The following CTNNA3 variants were observed in gnomAD, a reference collection of about 807,000 sequenced individuals.
CTNNA3 encodes catenin alpha 3.
Under a neutral mutation model 95.7 loss-of-function variants are expected in CTNNA3, and 76 were observed. The ratio of observed to expected loss-of-function variants is 0.79; its 90% CI spans 0.66 to 0.96. The LOEUF (loss-of-function observed/expected upper bound fraction) is 0.96. CTNNA3 is among the 40% of genes least tolerant of loss of function. CTNNA3 has a pLI of 0.00. For missense variants in CTNNA3, 1,191 were observed against 1,089.8 expected (o/e 1.09, Z -1.31); for synonymous variants, 431 against 374.4 (o/e 1.15, Z -1.74).
chr10:67,515,433 T>C (rs1000886951), intron 5 of CTNNA3, among the ~76,000 whole-genome samples: 2 of 152,202 alleles, frequency 1.3e-5, no homozygotes, highest in African/African-American at 4.8e-5. Flanking sequence ...CAAACAACTA[T>C]GTACAATTGA....
intron 7 of CTNNA3, among the ~76,000 whole-genome samples, chr10:66,866,941 T>C (rs7476777): frequency 0.95 from 144,260 of 152,122 alleles, 68,724 homozygotes; most frequent in East Asian, 1. Context: ...GGTGGTTTCC[T>C]CCATACTGCT....
At chr10:67,162,608 G>C (rs961081240) in intron 7 of CTNNA3, among the ~76,000 whole-genome samples, 2 of 151,280 alleles carry the variant, frequency 1.3e-5, no homozygotes, top group African/African-American at 4.9e-5. Flanking sequence ...CAAAAATCTA[G>C]AAAGAAAGCA....
intron 5 of CTNNA3, among the ~76,000 whole-genome samples, chr10:67,262,116 C>G (rs1208346716): frequency 6.6e-6 from 1 of 151,590 alleles, no homozygotes. Flanking sequence ...ACTTTTTAGA[C>G]TAAAAATAAA....
intron 11 of CTNNA3, among the ~76,000 whole-genome samples, chr10:66,508,962 A>T (rs1339291817): frequency 1.3e-5 from 2 of 151,922 alleles, no homozygotes; most frequent in Non-Finnish European, 2.9e-5. Context: ...GAACCTCCAC[A>T]CTCTTCTCCA....
At chr10:67,148,044 T>C (rs1461678500) in intron 7 of CTNNA3, among the ~76,000 whole-genome samples, 1 of 152,160 alleles carries the variant, frequency 6.6e-6, no homozygotes, top group African/African-American at 2.4e-5. Context: ...CTGGCCCTTA[T>C]GATGGGAAGA....
In CTNNA3 at chr10:67,709,376, T is replaced by A. The variant is rs184013946; in HGVS notation, c.-2+54058A>T. Among the ~76,000 whole-genome samples the A allele has an allele frequency of 4.0e-3, 604 of 152,262 alleles. 4 individuals carry two copies. The highest frequency in any genetic ancestry group is 5.8e-3 in the Admixed American group (88 of 15,302). On this transcript the variant is annotated intron_variant, in intron 1 of 17. Coordinates refer to the CTNNA3 transcript ENST00000684154. ...AAATTATAAGCAGAACATACATGAATGTCCACTGGGAAATTAGAAAGTTGC... is the reference window on the plus strand; with the variant it reads ...AAATTATAAGCAGAACATACATGAAAGTCCACTGGGAAATTAGAAAGTTGC...
At chr10:66,705,637 TTG>T (rs986662760) in intron 9 of CTNNA3, among the ~76,000 whole-genome samples, 2 of 152,088 alleles carry the variant, frequency 1.3e-5, no homozygotes, top group Non-Finnish European at 2.9e-5. Context: ...CTAAATATAA[TTG>T]TGTGTTTGTT....
At chr10:65,982,298 T>C (rs545392904) in intron 16 of CTNNA3, among the ~76,000 whole-genome samples, 4 of 150,910 alleles carry the variant, frequency 2.7e-5, no homozygotes, top group Non-Finnish European at 5.9e-5. Context: ...CACAACGAGA[T>C]ACCACCTTAC....
At chr10:66,097,699 C>G (rs542192270) in intron 14 of CTNNA3, among the ~76,000 whole-genome samples, 2 of 152,146 alleles carry the variant, frequency 1.3e-5, no homozygotes, top group African/African-American at 4.8e-5. Flanking sequence ...TTATGAAGAG[C>G]CTTTTTAAAC....
chr10:66,749,540 T>C (rs1227253215), intron 9 of CTNNA3, among the ~76,000 whole-genome samples: 1 of 152,206 alleles, frequency 6.6e-6, no homozygotes, highest in Non-Finnish European at 1.5e-5. Context: ...CATGGCTTGG[T>C]AGCTCATTTT....
At chr10:67,111,926 G>GAAAT (rs1247480976) in intron 7 of CTNNA3, among the ~76,000 whole-genome samples, 5 of 152,030 alleles carry the variant, frequency 3.3e-5, no homozygotes, top group African/African-American at 1.2e-4. Context: ...TCATCATTTA[G>GAAAT]AAATAAAAGT....
At chr10:66,110,024 A>T (rs1218985270) in intron 13 of CTNNA3, among the ~76,000 whole-genome samples, 1 of 152,148 alleles carries the variant, frequency 6.6e-6, no homozygotes, top group African/African-American at 2.4e-5. Flanking sequence ...TAATTAACAA[A>T]TCTATCTCTT....
intron 15 of CTNNA3, among the ~76,000 whole-genome samples, chr10:66,029,685 T>C (rs2079412261): frequency 6.6e-6 from 1 of 152,178 alleles, no homozygotes; most frequent in African/African-American, 2.4e-5. Flanking sequence ...CTCTGTTCAA[T>C]GGGATATAAG....
At chr10:66,344,359 C>A (rs1004402584) in intron 12 of CTNNA3, among the ~76,000 whole-genome samples, 30 of 151,066 alleles carry the variant, frequency 2.0e-4, no homozygotes, top group Non-Finnish European at 3.8e-4. Flanking sequence ...CTCCGTCTCC[C>A]GGGTTCAAAC....
chr10:67,200,822 T>C (rs1863610872), intron 6 of CTNNA3, among the ~76,000 whole-genome samples: 1 of 152,206 alleles, frequency 6.6e-6, no homozygotes, highest in South Asian at 2.1e-4. Flanking sequence ...GTTACAAATA[T>C]TTTAAGCCCT....
At chr10:66,586,789 T>A (rs1190874076) in intron 10 of CTNNA3, among the ~76,000 whole-genome samples, 1 of 152,102 alleles carries the variant, frequency 6.6e-6, no homozygotes, top group Non-Finnish European at 1.5e-5. Context: ...TGCACTTGTG[T>A]CTCTCCCGAA....
chr10:65,950,008 G>A (rs149000039), intron 17 of CTNNA3, among the ~76,000 whole-genome samples: 94 of 152,146 alleles, frequency 6.2e-4, no homozygotes, highest in African/African-American at 2.3e-3. Flanking sequence ...AGTCAATAGT[G>A]CTGCAGATGA....
In CTNNA3 at chr10:66,795,472, C is replaced by T. The variant is rs925808994; in HGVS notation, c.1048-19948G>A. ...AATGTTCAGTAAACGGCAACATAAACACATTTGCTGTCATCTAGGCTTTGT... is the reference window on the plus strand; with the variant it reads ...AATGTTCAGTAAACGGCAACATAAATACATTTGCTGTCATCTAGGCTTTGT... On this transcript the variant is annotated intron_variant, in intron 7 of 17. Transcript: ENST00000433211. Among the ~76,000 whole-genome samples, 20 of 152,108 alleles carry T rather than the reference C, an allele frequency of 1.3e-4. 1 individual carries two copies. The highest frequency in any genetic ancestry group is 1.2e-3 in the Admixed American group (19 of 15,242).
chr10:67,241,126 A>G (rs1205767092), intron 5 of CTNNA3, among the ~76,000 whole-genome samples: 1 of 152,198 alleles, frequency 6.6e-6, no homozygotes, highest in African/African-American at 2.4e-5. Flanking sequence ...AGAGTCAAAT[A>G]TCCATAGGTC....
Sources: allele counts gnomAD v4.1 joint callset (sites outside exome capture counted in the v4.1 genomes callset), GRCh38; gene constraint gnomAD v4.1.1; transcripts MANE v1.5; gene names NCBI Gene and HGNC (gene_info 2026-07-23, HGNC 2026-07-21).